The following TUSC3 variants were observed in gnomAD, a reference collection of about 807,000 sequenced individuals.
TUSC3 encodes the protein dolichyl-diphosphooligosaccharide--protein glycosyltransferase subunit TUSC3.
In TUSC3, 45 loss-of-function variants were observed where a neutral mutation model predicts 44.8. The ratio of observed to expected loss-of-function variants is 1.00; its 90% CI spans 0.79 to 1.29. The LOEUF (loss-of-function observed/expected upper bound fraction) is 1.29. Among genes scored for constraint, TUSC3 ranks in the 50% most tolerant of loss-of-function variants. TUSC3 has a pLI of 0.00. For synonymous variants in TUSC3, 212 were observed against 152.9 expected, an observed-to-expected ratio of 1.39 and a Z score of -2.85; for missense variants, 519 against 437.9, an observed-to-expected ratio of 1.19 and a Z score of -1.65.
chr8:15,604,632 C>T (rs375823671), intron 1 of TUSC3, among the ~76,000 whole-genome samples: 17 of 151,426 alleles, frequency 1.1e-4, no homozygotes, highest in Non-Finnish European at 1.9e-4. Flanking sequence ...GAATAATTAC[C>T]GAATTAATTG....
At chr8:15,669,769 A>T (rs1807858435) in intron 5 of TUSC3, among the ~76,000 whole-genome samples, 1 of 151,770 alleles carries the variant, frequency 6.6e-6, no homozygotes, top group Non-Finnish European at 1.5e-5. Flanking sequence ...AATTCCTGAG[A>T]TAAGGAATAA....
chr8:15,512,844 TTG>T (rs1563270815), intron 2 of TUSC3, among the ~76,000 whole-genome samples: 4 of 119,290 alleles, frequency 3.4e-5, no homozygotes, highest in African/African-American at 9.8e-5. Flanking sequence ...GTATATATAT[TTG>T]TGTGTGTGTG....
At chr8:15,826,374 T>C in the TUSC3 span, among the ~76,000 whole-genome samples, 4 of 152,226 alleles carry the variant, frequency 2.6e-5, no homozygotes, top group Non-Finnish European at 4.4e-5. Flanking sequence ...GCACCCTCTA[T>C]GCTTTCAATA....
chr8:15,466,458 A>G (rs1005421985), intron 1 of TUSC3, among the ~76,000 whole-genome samples: 1 of 152,180 alleles, frequency 6.6e-6, no homozygotes, highest in African/African-American at 2.4e-5. Context: ...TGAGTGCCCA[A>G]TGTAGGAAAA....
chr8:15,420,357 G>C (rs1237633777), intron 1 of TUSC3, among the ~76,000 whole-genome samples: 1 of 151,948 alleles, frequency 6.6e-6, no homozygotes, highest in African/African-American at 2.4e-5. Flanking sequence ...AAATTAGCCG[G>C]GCATGGTGGC....
chr8:15,465,764 T>G (rs1411961395), intron 1 of TUSC3, among the ~76,000 whole-genome samples: 1 of 152,290 alleles, frequency 6.6e-6, no homozygotes, highest in South Asian at 2.1e-4. Flanking sequence ...ATGAATTAGT[T>G]ACTTCTCTGC....
intron 1 of TUSC3, among the ~76,000 whole-genome samples, chr8:15,461,360 G>C (rs1800342332): frequency 6.6e-6 from 1 of 151,984 alleles, no homozygotes; most frequent in Admixed American, 6.6e-5. Context: ...GTGTATAGGA[G>C]AGTTAATTTG....
chr8:15,593,144 G>T (rs1803923738), intron 1 of TUSC3, among the ~76,000 whole-genome samples: 1 of 152,100 alleles, frequency 6.6e-6, no homozygotes, highest in South Asian at 2.1e-4. Flanking sequence ...GGAGTGCAGT[G>T]GTGTGATCTT....
chr8:15,610,870 C>A (rs1025109239), intron 1 of TUSC3, among the ~76,000 whole-genome samples: 4 of 152,012 alleles, frequency 2.6e-5, no homozygotes, highest in African/African-American at 9.7e-5. Context: ...TGGATCTCTC[C>A]TCAGGGAAAA....
chr8:15,642,250 T>G (rs760328783), intron 2 of TUSC3, among the ~76,000 whole-genome samples: 7 of 152,190 alleles, frequency 4.6e-5, no homozygotes, highest in Non-Finnish European at 8.8e-5. Context: ...ACTCAGATAG[T>G]TAACTGGTTA....
intron 1 of TUSC3, among the ~76,000 whole-genome samples, chr8:15,438,339 G>T (rs948926175): frequency 1.2e-4 from 18 of 152,058 alleles, no homozygotes; most frequent in Middle Eastern, 3.2e-3. Flanking sequence ...CAGGTGGTCC[G>T]CCTGCCTCGG....
intron 6 of TUSC3, among the ~76,000 whole-genome samples, chr8:15,715,904 A>T (rs1484192970): frequency 6.6e-6 from 1 of 152,106 alleles, no homozygotes; most frequent in Non-Finnish European, 1.5e-5. Flanking sequence ...TTTATATACA[A>T]AAAAATGCAA....
chr8:15,669,240 T>G (rs1373291732), intron 5 of TUSC3, among the ~76,000 whole-genome samples: 1 of 151,872 alleles, frequency 6.6e-6, no homozygotes, highest in Non-Finnish European at 1.5e-5. Context: ...TACTCCAGTA[T>G]GGATTGAATC....
chr8:15,447,639 G>A (rs532293464), intron 1 of TUSC3, among the ~76,000 whole-genome samples: 4 of 149,812 alleles, frequency 2.7e-5, no homozygotes, highest in Non-Finnish European at 4.4e-5. Flanking sequence ...ATACTAACAT[G>A]TTTCAGAACT....
Position 15,640,824 on chromosome 8 carries a change from G to T in TUSC3, c.309-9873G>T, listed in dbSNP as rs79620593. On this transcript the variant is annotated intron_variant, in intron 2 of 10. Transcript: ENST00000503731. ...GCTGCTCTCATTATCTCAGAGTCTA[G>T]TTCGTAAATGTCATGAAGGAAAAGC... Among the ~76,000 whole-genome samples the T allele has an allele frequency of 2.9e-3, 436 of 152,236 alleles. 15 individuals are homozygous for T. The East Asian group carries it at 0.058, about 20-fold the overall frequency.
At chr8:15,684,567 C>A (rs978386698) in intron 6 of TUSC3, among the ~76,000 whole-genome samples, 3 of 152,142 alleles carry the variant, frequency 2.0e-5, no homozygotes, top group African/African-American at 7.2e-5. Flanking sequence ...CCTTGGGACT[C>A]CCTGGGGAAG....
the TUSC3 span, among the ~76,000 whole-genome samples, chr8:15,797,821 C>T: frequency 6.6e-6 from 1 of 152,198 alleles, no homozygotes; most frequent in African/African-American, 2.4e-5. Flanking sequence ...AATTCAATCA[C>T]CTTTGCAACA....
intron 6 of TUSC3, among the ~76,000 whole-genome samples, chr8:15,700,898 A>C (rs1360950799): frequency 1.7e-5 from 2 of 115,704 alleles, no homozygotes; most frequent in African/African-American, 7.2e-5. Context: ...TGGGTTGCCC[A>C]CTTCTCCAGT....
intron 8 of TUSC3, among the ~76,000 whole-genome samples, chr8:15,746,909 T>A (rs543314575): frequency 5.9e-5 from 9 of 152,246 alleles, no homozygotes; most frequent in South Asian, 2.1e-4. Context: ...TATTCTATAA[T>A]TTTCAAAAAT....
Sources: gnomAD v4.1 joint callset for allele counts (sites outside exome capture counted in the v4.1 genomes callset) on GRCh38, gnomAD v4.1.1 for gene constraint, MANE v1.5 for transcripts, NCBI Gene and HGNC (gene_info 2026-07-23, HGNC 2026-07-21) for gene names.